The following RPTOR variants were observed in gnomAD, a reference collection of about 807,000 sequenced individuals.
RPTOR encodes the protein regulatory-associated protein of mTOR.
Under a neutral mutation model 169.9 loss-of-function variants are expected in RPTOR, and 21 were observed. The ratio of observed to expected loss-of-function variants is 0.12; its 90% CI spans 0.09 to 0.18. The LOEUF (loss-of-function observed/expected upper bound fraction) is 0.18. Among genes scored for constraint, RPTOR ranks in the 10% least tolerant of loss-of-function variants. The pLI is 1.00. For missense variants in RPTOR, 1,133 were observed against 1,855.9 expected (o/e 0.61, Z 7.16); for synonymous variants, 732 against 753.2 (o/e 0.97, Z 0.46).
At position 80,844,194 on chromosome 17, in the gene RPTOR, G is replaced by A. The variant is rs747868127; in HGVS notation, c.1213-2279G>A. ...CATATAAAGTGTTGGCCACTCTTCCGCAGGCGCTTGCTCTAATTCGTCAGC... is the reference window on the plus strand; with the variant it reads ...CATATAAAGTGTTGGCCACTCTTCCACAGGCGCTTGCTCTAATTCGTCAGC... On this transcript the variant is annotated intron_variant, in intron 10 of 33. Coordinates refer to ENST00000306801, the MANE Select transcript of RPTOR (RefSeq NM_020761.3). This position sits in a 1 kb window ranked among gnomAD's most constrained non-coding sequence, Gnocchi z 4.7. Among the ~76,000 whole-genome samples, 5 of 152,290 alleles carry A rather than the reference G, an allele frequency of 3.3e-5. No individual in the cohort carries two copies. Among genetic ancestry groups the A allele is most frequent in the Non-Finnish European group, 2.9e-5 (2 of 68,030 alleles).
intron 1 of RPTOR, among the ~76,000 whole-genome samples, chr17:80,611,881 G>C (rs34405143): frequency 0.091 from 13,883 of 151,810 alleles, 699 homozygotes; most frequent in Middle Eastern, 0.13. Context: ...CCTGCTGCTT[G>C]TGTTGGAGAA....
intron 33 of RPTOR, 50 bp from the exon 34 acceptor site, chr17:80,964,211 CA>C: frequency 1.5e-5 from 20 of 1,328,114 alleles, no homozygotes; most frequent in Non-Finnish European, 1.9e-5. Flanking sequence ...CCGCCCCCCG[CA>C]GTGTCTGCCC....
At chr17:80,886,811 G>T (rs962187573) in intron 17 of RPTOR, among the ~76,000 whole-genome samples, 1 of 152,154 alleles carries the variant, frequency 6.6e-6, no homozygotes, top group Admixed American at 6.5e-5. Context: ...CAACCGGGAC[G>T]CAGCTGTCTC....
rs934499080 is a variant in RPTOR at position 80,726,372 on chromosome 17, C to T, written c.508-4188C>T. ...CTGCCGGTAACCTGGTGCTCGCCGC[C>T]CACAGATCACGGGGCGTGGAGGGAG... On this transcript the variant is annotated intron_variant, in intron 4 of 33. Coordinates refer to ENST00000306801, the MANE Select transcript of RPTOR (RefSeq NM_020761.3). The surrounding 1 kb of genome is among the most constrained non-coding windows in gnomAD (Gnocchi z 4.5). Among the ~76,000 whole-genome samples the T allele has an allele frequency of 2.6e-5, 4 of 152,186 alleles. No individual in the cohort carries two copies. Among genetic ancestry groups the T allele is most frequent in the African/African-American group, 9.7e-5 (4 of 41,438 alleles).
chr17:80,901,574 G>A (rs2143908506), intron 20 of RPTOR, among the ~76,000 whole-genome samples: 1 of 152,294 alleles, frequency 6.6e-6, no homozygotes, highest in East Asian at 1.9e-4. Flanking sequence ...GCTTACCTAA[G>A]TGTTTAGAAG....
At chr17:80,689,189 T>C (rs2065971106) in intron 3 of RPTOR, among the ~76,000 whole-genome samples, 1 of 152,232 alleles carries the variant, frequency 6.6e-6, no homozygotes, top group Non-Finnish European at 1.5e-5. Context: ...AATCCTTTCA[T>C]CTCCCCAGAC....
In RPTOR at chr17:80,651,519, A is replaced by G. The variant is rs2065639232; in HGVS notation, c.348+7709A>G. ...AAATGTCCGCGATTTACTTGTTGGT[A>G]TGACACATAATGGAGATTTTTTTAA... On this transcript the variant is annotated intron_variant, in intron 3 of 33. Coordinates refer to ENST00000306801, the MANE Select transcript of RPTOR (RefSeq NM_020761.3). The surrounding 1 kb of genome is among the most constrained non-coding windows in gnomAD (Gnocchi z 4.1). Among the ~76,000 whole-genome samples the G allele has an allele frequency of 6.9e-6, 1 of 144,834 alleles. No homozygotes were observed. Among genetic ancestry groups the G allele is most frequent in the Non-Finnish European group, 1.5e-5 (1 of 66,756 alleles).
At chr17:80,945,242 A>G (rs1441574940) in intron 25 of RPTOR, among the ~76,000 whole-genome samples, 2 of 152,132 alleles carry the variant, frequency 1.3e-5, no homozygotes, top group Non-Finnish European at 2.9e-5. Context: ...GCAGTGAGCC[A>G]TGATCACACC....
chr17:80,787,804 G>A (rs1034572918), intron 6 of RPTOR, among the ~76,000 whole-genome samples: 2 of 152,098 alleles, frequency 1.3e-5, no homozygotes, highest in African/African-American at 4.8e-5. Context: ...CCATAGTTAT[G>A]TCCTCATCTT....
At chr17:80,743,839 C>CACTGT (rs1567887470) in intron 5 of RPTOR, among the ~76,000 whole-genome samples, 1 of 81,466 alleles carries the variant, frequency 1.2e-5, no homozygotes, top group African/African-American at 4.7e-5. Context: ...ACTAGCACAG[C>CACTGT]CCTGGTTACT....
intron 7 of RPTOR, among the ~76,000 whole-genome samples, chr17:80,808,737 T>C (rs941728348): frequency 1.3e-5 from 2 of 152,170 alleles, no homozygotes; most frequent in Admixed American, 6.5e-5. Context: ...ATACATTCGA[T>C]TTGATGTTTC....
rs568729444 is a variant in RPTOR, at chr17:80,964,786, C to G, written c.*456C>G. 4.1e-6 allele frequency: 1 copy of G among 241,158 alleles called. No homozygotes were observed. The highest frequency in any genetic ancestry group is 8.1e-6 in the Non-Finnish European group (1 of 122,832). The allele number at this position is 241,158 out of a possible 1,614,324, so 14.9% of individuals were successfully genotyped here. A position where few individuals can be genotyped will look rare whatever the true frequency, so the allele number is the denominator to read the frequency against. On this transcript the variant is annotated 3_prime_UTR_variant, in exon 34 of 34. Transcript: ENST00000306801. ...CATCAGGCCAAGAGCGAGCGAGAGG[C>G]GCTGCCCCAGCCAGGCCCACCACCT...
chr17:80,594,538 C>T (rs1196204327), intron 1 of RPTOR, among the ~76,000 whole-genome samples: 2 of 152,240 alleles, frequency 1.3e-5, no homozygotes, highest in Non-Finnish European at 2.9e-5. Flanking sequence ...ACTGTATCCC[C>T]TTAGCCATGT....
chr17:80,567,256 C>T (rs2064853492), intron 1 of RPTOR, among the ~76,000 whole-genome samples: 1 of 151,990 alleles, frequency 6.6e-6, no homozygotes, highest in African/African-American at 2.4e-5. Context: ...CAGGTGTGAG[C>T]CACCATGCCC....
At chr17:80,733,205 A>G (rs982136893) in intron 5 of RPTOR, among the ~76,000 whole-genome samples, 1 of 152,220 alleles carries the variant, frequency 6.6e-6, no homozygotes, top group African/African-American at 2.4e-5. Flanking sequence ...GCACAGATAC[A>G]GTATTGCACA....
At chr17:80,564,891 T>G (rs565344608) in intron 1 of RPTOR, among the ~76,000 whole-genome samples, 1 of 152,360 alleles carries the variant, frequency 6.6e-6, no homozygotes, top group South Asian at 2.1e-4. Flanking sequence ...GATAATGGCC[T>G]CCATGTTCCC....
intron 5 of RPTOR, among the ~76,000 whole-genome samples, chr17:80,740,609 T>C (rs1272390948): frequency 2.6e-5 from 4 of 152,168 alleles, no homozygotes; most frequent in African/African-American, 9.7e-5. Flanking sequence ...TGTAGAAGTC[T>C]AGTTCAATGT....
At chr17:80,582,237 C>T (rs2065020575) in intron 1 of RPTOR, among the ~76,000 whole-genome samples, 1 of 152,216 alleles carries the variant, frequency 6.6e-6, no homozygotes. Flanking sequence ...GACAGCTCAG[C>T]TGATTCCTGG....
intron 1 of RPTOR, among the ~76,000 whole-genome samples, chr17:80,613,151 C>G (rs1292665180): frequency 6.6e-6 from 1 of 152,132 alleles, no homozygotes; most frequent in Non-Finnish European, 1.5e-5. Context: ...CTTGGAGAAC[C>G]TGGCCACTTT....
Sources: allele counts gnomAD v4.1 joint callset (sites outside exome capture counted in the v4.1 genomes callset), GRCh38; gene constraint gnomAD v4.1.1; non-coding constraint Gnocchi (gnomAD v3.1); transcripts MANE v1.5; gene names NCBI Gene and HGNC (gene_info 2026-07-23, HGNC 2026-07-21).